Variants in NBAS observed in about 807,000 individuals in gnomAD.
NBAS encodes NBAS subunit of NRZ tethering complex.
A neutral mutation model predicts 302.5 loss-of-function variants in NBAS; 219 were observed. The observed-to-expected ratio is 0.72, with a 90% CI of 0.65 to 0.81. The LOEUF is 0.81. NBAS is among the 30% of genes least tolerant of loss of function. The pLI is 0.00. For synonymous variants in NBAS, 1,118 were observed against 1,021.6 expected (o/e 1.09, Z -1.80); for missense variants, 2,932 against 2,841.6 (o/e 1.03, Z -0.72).
chr2:15,112,540 A>C, the NBAS span, among the ~76,000 whole-genome samples: 1 of 152,180 alleles, frequency 6.6e-6, no homozygotes, highest in South Asian at 2.1e-4. Flanking sequence ...ACACATATGC[A>C]AAACTGCATA....
chr2:14,866,772 T>C, the NBAS span, among the ~76,000 whole-genome samples: 5 of 152,278 alleles, frequency 3.3e-5, no homozygotes, highest in Non-Finnish European at 5.9e-5. Context: ...TTCTGAAAAA[T>C]GCTGCTAAGC....
At chr2:15,356,448 T>C (rs927130547) in intron 32 of NBAS, 32 bp from the exon 33 acceptor site, 5 of 1,479,730 alleles carry the variant, frequency 3.4e-6, no homozygotes, top group Non-Finnish European at 2.8e-6. Flanking sequence ...TTAATGATTA[T>C]GACAAGCAAC....
chr2:15,506,234 T>C (rs952599972), intron 10 of NBAS, among the ~76,000 whole-genome samples: 2 of 151,560 alleles, frequency 1.3e-5, no homozygotes, highest in East Asian at 3.9e-4. Flanking sequence ...CCATGAAAAC[T>C]TTACAGAAAC....
At chr2:15,534,877 C>G (rs1421405665) in intron 8 of NBAS, among the ~76,000 whole-genome samples, 1 of 152,138 alleles carries the variant, frequency 6.6e-6, no homozygotes, top group Non-Finnish European at 1.5e-5. Context: ...AGCAATCCCA[C>G]TTGAAGATAC....
At chr2:14,967,950 G>T in the NBAS span, among the ~76,000 whole-genome samples, 102 of 152,212 alleles carry the variant, frequency 6.7e-4, no homozygotes, top group South Asian at 1.2e-3. Context: ...TTTGGCACTG[G>T]CAAGAGTTAA....
At chr2:15,546,152 A>G (rs1265748716) in intron 6 of NBAS, among the ~76,000 whole-genome samples, 2 of 152,212 alleles carry the variant, frequency 1.3e-5, no homozygotes, top group Non-Finnish European at 2.9e-5. Context: ...AAGAAATCAG[A>G]TCACAAAACA....
chr2:15,189,467 T>C (rs1024898580), intron 49 of NBAS, among the ~76,000 whole-genome samples: 1 of 152,102 alleles, frequency 6.6e-6, no homozygotes, highest in African/African-American at 2.4e-5. Flanking sequence ...CAGCTGAGCA[T>C]GGGGAGAGCA....
chr2:15,473,198 C>T (rs372752767), intron 16 of NBAS, 24 bp downstream of exon 16: 195 of 1,612,310 alleles, frequency 1.2e-4, no homozygotes, highest in Non-Finnish European at 1.6e-4. Flanking sequence ...CATTTTACCA[C>T]ATTACCAAAA....
At chr2:15,479,347 A>G (rs1418856088) in intron 12 of NBAS, among the ~76,000 whole-genome samples, 4 of 152,232 alleles carry the variant, frequency 2.6e-5, no homozygotes, top group Admixed American at 2.6e-4. Context: ...ATATTATTGA[A>G]AACAGTCAAC....
chr2:15,547,712 C>T (rs1461852606), intron 6 of NBAS, among the ~76,000 whole-genome samples: 1 of 152,188 alleles, frequency 6.6e-6, no homozygotes, highest in Admixed American at 6.5e-5. Context: ...GCCCCCCAAG[C>T]TCTCACCCAG....
At chr2:14,845,284 T>C in the NBAS span, among the ~76,000 whole-genome samples, 40,468 of 152,168 alleles carry the variant, frequency 0.27, 10,075 homozygotes, top group African/African-American at 0.66. Context: ...AGAATTCTTC[T>C]GCATCTTATC....
At chr2:14,958,926 G>A in the NBAS span, among the ~76,000 whole-genome samples, 1 of 152,190 alleles carries the variant, frequency 6.6e-6, no homozygotes, top group African/African-American at 2.4e-5. Context: ...AAGGGATAAG[G>A]AAGGAAGACT....
the NBAS span, among the ~76,000 whole-genome samples, chr2:15,134,091 A>G: frequency 1.1e-5 from 1 of 93,878 alleles, no homozygotes; most frequent in Non-Finnish European, 2.6e-5. Flanking sequence ...TCTCTCTGCA[A>G]TGAAATGGAA....
At chr2:15,059,359 TC>T in the NBAS span, among the ~76,000 whole-genome samples, 8 of 152,198 alleles carry the variant, frequency 5.3e-5, no homozygotes, top group Admixed American at 2.0e-4. Context: ...GTGGATTTTT[TC>T]TTTTTTTTTA....
the NBAS span, among the ~76,000 whole-genome samples, chr2:14,968,749 T>C: frequency 2.6e-4 from 40 of 152,238 alleles, no homozygotes; most frequent in African/African-American, 8.4e-4. Context: ...GCTATGACAA[T>C]GTAAAATTGT....
the NBAS span, among the ~76,000 whole-genome samples, chr2:14,992,546 A>C: frequency 1.1e-4 from 16 of 152,248 alleles, no homozygotes; most frequent in Non-Finnish European, 1.9e-4. Flanking sequence ...GCTTCAAAAA[A>C]TGCAAATGAT....
chr2:14,835,601 A>T, the NBAS span, among the ~76,000 whole-genome samples: 3 of 152,008 alleles, frequency 2.0e-5, no homozygotes, highest in Admixed American at 2.0e-4. Flanking sequence ...ATGGAATGAT[A>T]CGGGGCACAT....
chr2:15,051,888 C>A, the NBAS span, among the ~76,000 whole-genome samples: 1 of 152,130 alleles, frequency 6.6e-6, no homozygotes, highest in East Asian at 1.9e-4. Context: ...GAATGTTCAA[C>A]CCCTACCTCT....
At chr2:15,156,263 G>A in the NBAS span, among the ~76,000 whole-genome samples, 1 of 152,146 alleles carries the variant, frequency 6.6e-6, no homozygotes, top group South Asian at 2.1e-4. Context: ...CCCAACCAAG[G>A]CCTCTTCCTA....
Sources: gnomAD v4.1 joint callset for allele counts (sites outside exome capture counted in the v4.1 genomes callset) on GRCh38, gnomAD v4.1.1 for gene constraint, MANE v1.5 for transcripts, NCBI Gene and HGNC (gene_info 2026-07-23, HGNC 2026-07-21) for gene names.